Variants in OR3A2 observed in about 807,000 individuals in gnomAD.
OR3A2 encodes the protein olfactory receptor 3A2.
For synonymous variants in OR3A2, 126 were observed against 159.3 expected (o/e 0.79, Z 1.57); for missense variants, 318 against 392.8 (o/e 0.81, Z 1.61).
In OR3A2 at chr17:3,311,545, CT is replaced by C; in HGVS notation, c.-85+24487del. ...CCACTTCTACTGTGACCTCCCACCT[CT>C]TTTCCAGCTCTCTTGCTCCAGCATC... On this transcript the variant is annotated intron_variant, in intron 3 of 4. Transcript: ENST00000573491. The surrounding 1 kb of genome is among the most constrained non-coding windows in gnomAD (Gnocchi z 4.6). 4.6e-6 allele frequency: 2 copies of C among 430,536 alleles called. No homozygotes were observed. Among genetic ancestry groups the C allele is most frequent in the Non-Finnish European group, 9.4e-6 (2 of 213,264 alleles). The allele number at this position is 430,536 out of a possible 1,614,324, so 26.7% of individuals were successfully genotyped here.
chr17:3,316,728 G>C (rs960630022), intron 3 of OR3A2, among the ~76,000 whole-genome samples: 3 of 152,138 alleles, frequency 2.0e-5, no homozygotes, highest in African/African-American at 7.2e-5. Flanking sequence ...CATAGAGTTA[G>C]GCCCAGTAGC....
At chr17:3,277,328 GGTTT>G (rs2048744809) in exon 2 of OR3A2, 1 of 152,100 alleles carries the variant, frequency 6.6e-6, no homozygotes, top group Admixed American at 6.6e-5. Context: ...CTATGGTTTT[GGTTT>G]TTTTAAAAAA....
chr17:3,359,990 T>C (rs919954632), intron 2 of OR3A2, among the ~76,000 whole-genome samples: 2 of 151,784 alleles, frequency 1.3e-5, no homozygotes, highest in African/African-American at 2.4e-5. Flanking sequence ...CCTGAGGAAT[T>C]GCCACACTGT....
chr17:3,351,061 A>T (rs201801419), intron 2 of OR3A2, among the ~76,000 whole-genome samples: 25,790 of 150,938 alleles, frequency 0.17, 2,957 homozygotes, highest in Admixed American at 0.34. Flanking sequence ...TCTATGACAA[A>T]CCCACAGCCA....
Position 3,363,594 on chromosome 17 carries a change from T to C in OR3A2, c.-179+20210A>G, listed in dbSNP as rs143929430. Among the ~76,000 whole-genome samples, 69 of 151,856 alleles carry C rather than the reference T, an allele frequency of 4.5e-4. 6 individuals carry two copies. Among genetic ancestry groups the C allele is most frequent in the African/African-American group, 1.6e-3 (66 of 41,152 alleles). ...GTCTTCTTCTGAGCCCTCCAAACTA[T>C]TCCAACCTCTGCCCATTACCCAGTT... On this transcript the variant is annotated intron_variant, in intron 2 of 4. Transcript: ENST00000573491.
At chr17:3,370,413 C>G (rs949829021) in intron 2 of OR3A2, among the ~76,000 whole-genome samples, 1 of 152,254 alleles carries the variant, frequency 6.6e-6, no homozygotes, top group African/African-American at 2.4e-5. Context: ...GATTTTCTCT[C>G]TTCTTTTCTT....
intron 3 of OR3A2, chr17:3,292,067 A>G (rs768685555): frequency 1.9e-6 from 3 of 1,614,106 alleles, no homozygotes. Flanking sequence ...CATTGGGGCC[A>G]CAGAAGTTGA....
At chr17:3,357,560 AG>A (rs1288535356) in intron 2 of OR3A2, among the ~76,000 whole-genome samples, 1 of 151,494 alleles carries the variant, frequency 6.6e-6, no homozygotes, top group Non-Finnish European at 1.5e-5. Flanking sequence ...CTGGGAGGAG[AG>A]GAGAAGGAGA....
intron 3 of OR3A2, chr17:3,290,899 C>A (rs549712037): frequency 6.6e-6 from 1 of 152,216 alleles, no homozygotes; most frequent in African/African-American, 2.4e-5. Context: ...ATTATAAATT[C>A]TTATCTTTTC....
chr17:3,291,401 C>G (rs2048865111), intron 3 of OR3A2: 1 of 422,494 alleles, frequency 2.4e-6, no homozygotes, highest in East Asian at 3.4e-5. Context: ...AAGGAGAGAA[C>G]ACGGTGCCTG....
At chr17:3,337,949 T>C (rs958344868) in intron 2 of OR3A2, among the ~76,000 whole-genome samples, 54 of 152,228 alleles carry the variant, frequency 3.5e-4, no homozygotes, top group Non-Finnish European at 7.3e-4. Context: ...GTTTCCTAAC[T>C]TTTTAATGAT....
chr17:3,374,987 A>G (rs2049667268), intron 2 of OR3A2, among the ~76,000 whole-genome samples: 1 of 151,868 alleles, frequency 6.6e-6, no homozygotes, highest in Admixed American at 6.6e-5. Context: ...GAGTTACTTA[A>G]CTTAGAATAA....
At chr17:3,339,079 G>T (rs2049294420) in intron 2 of OR3A2, among the ~76,000 whole-genome samples, 2 of 152,148 alleles carry the variant, frequency 1.3e-5, no homozygotes, top group African/African-American at 2.4e-5. Flanking sequence ...GTCTGTTATT[G>T]GTGTATAAGA....
intron 2 of OR3A2, among the ~76,000 whole-genome samples, chr17:3,336,999 G>A (rs1172090600): frequency 6.6e-6 from 1 of 152,010 alleles, no homozygotes; most frequent in South Asian, 2.1e-4. Context: ...TTCACCCTAG[G>A]TGAGCTATGC....
chr17:3,304,622 T>C (rs2096326321), intron 3 of OR3A2, among the ~76,000 whole-genome samples: 2 of 152,194 alleles, frequency 1.3e-5, no homozygotes. Flanking sequence ...ATGGCCAGAG[T>C]AGTTTTCTAA....
intron 2 of OR3A2, among the ~76,000 whole-genome samples, chr17:3,363,142 G>T (rs541613984): frequency 3.9e-5 from 6 of 151,938 alleles, no homozygotes; most frequent in Non-Finnish European, 8.8e-5. Context: ...CATTAAATAT[G>T]CAAATTTCTG....
intron 2 of OR3A2, among the ~76,000 whole-genome samples, chr17:3,354,334 A>G (rs1259622668): frequency 6.6e-6 from 1 of 151,206 alleles, no homozygotes; most frequent in Non-Finnish European, 1.5e-5. Flanking sequence ...CTTTTTTGAG[A>G]AAGGTTTTGC....
intron 2 of OR3A2, among the ~76,000 whole-genome samples, chr17:3,341,014 A>G (rs2049313150): frequency 1.3e-5 from 2 of 152,242 alleles, no homozygotes; most frequent in East Asian, 3.9e-4. Context: ...CTTTACCATT[A>G]TGTAATGGCC....
chr17:3,331,335 A>G (rs2049231469), intron 3 of OR3A2, among the ~76,000 whole-genome samples: 1 of 151,994 alleles, frequency 6.6e-6, no homozygotes, highest in Admixed American at 6.6e-5. Context: ...CATTCTCCCC[A>G]TCACTTTCAG....
Sources: gnomAD v4.1 joint callset for allele counts (sites outside exome capture counted in the v4.1 genomes callset) on GRCh38, gnomAD v4.1.1 for gene constraint, Gnocchi (gnomAD v3.1) non-coding constraint, MANE v1.5 for transcripts, NCBI Gene and HGNC (gene_info 2026-07-23, HGNC 2026-07-21) for gene names.